Variants in LARGE1 observed in about 807,000 individuals in gnomAD.
LARGE1 encodes xylosyl- and glucuronyltransferase LARGE1.
LARGE1 carries 43 observed loss-of-function variants against 87.6 expected under a neutral mutation model. That is an observed-to-expected ratio of 0.49 (90% CI 0.38 to 0.63). The LOEUF (loss-of-function observed/expected upper bound fraction) is 0.63, where lower values mean the gene tolerates loss of function less well. LARGE1 is among the 30% of genes least tolerant of loss of function. The pLI is 0.00. For synonymous variants in LARGE1, 434 were observed against 394.6 expected (o/e 1.10, Z -1.18); for missense variants, 802 against 1,000.2 (o/e 0.80, Z 2.67).
Position 33,588,337 on chromosome 22 carries a change from C to A in LARGE1, c.615+16098G>T, listed in dbSNP as rs535992717. ...GAAAGATAACCTATAGAAGGGGAAC[C>A]CAAATTTGAACAGAATGCCAGGCCC... On this transcript the variant is annotated intron_variant, in intron 5 of 14. Coordinates refer to ENST00000397394, the MANE Select transcript of LARGE1 (RefSeq NM_133642.5). Among the ~76,000 whole-genome samples the A allele has an allele frequency of 2.6e-5, 4 of 152,204 alleles. No homozygotes were observed. In the South Asian group the frequency reaches 8.3e-4, roughly 32 times the overall value.
In LARGE1 at chr22:33,794,629, T is replaced by C. The variant is rs2085924368; in HGVS notation, c.-82-33071A>G. The stretch of plus-strand genomic sequence containing the variant: ...TCCTCAAAGTGGGAAAATTTCTTTC[T>C]TTTCTTTTTGAGATGGAGTCTCGCT... On this transcript the variant is annotated intron_variant, in intron 1 of 14. Coordinates refer to ENST00000397394, the MANE Select transcript of LARGE1 (RefSeq NM_133642.5). 3.3e-5 allele frequency among the ~76,000 whole-genome samples: 5 copies of C among 152,210 alleles called. No individual in the cohort carries two copies. The South Asian group carries it at 1.0e-3, about 32-fold the overall frequency.
chr22:33,579,670 C>T (rs2078456455), intron 5 of LARGE1, among the ~76,000 whole-genome samples: 1 of 152,148 alleles, frequency 6.6e-6, no homozygotes, highest in South Asian at 2.1e-4. Context: ...AGTGGTAGGG[C>T]CTGGCATTGC....
chr22:33,434,699 A>T (rs1046672474), intron 6 of LARGE1, among the ~76,000 whole-genome samples: 1 of 152,204 alleles, frequency 6.6e-6, no homozygotes, highest in Admixed American at 6.5e-5. Context: ...GGCATCCCAT[A>T]CATTTTATTT....
chr22:33,815,868 G>A (rs547857424), intron 1 of LARGE1, among the ~76,000 whole-genome samples: 3 of 152,224 alleles, frequency 2.0e-5, no homozygotes, highest in South Asian at 2.1e-4. Flanking sequence ...GTAAAATCAC[G>A]AGGAGAGGTG....
intron 1 of LARGE1, among the ~76,000 whole-genome samples, chr22:33,796,767 CTTTTT>C (rs35532520): frequency 1.9e-5 from 2 of 106,058 alleles, no homozygotes; most frequent in Admixed American, 9.9e-5. Flanking sequence ...AAGACTTGGG[CTTTTT>C]TTTTTTTTTT....
At chr22:33,267,604 G>A (rs990838753), downstream of LARGE1, among the ~76,000 whole-genome samples, 9 of 151,132 alleles carry the variant, frequency 6.0e-5, 1 homozygote, top group African/African-American at 2.0e-4. Flanking sequence ...GTGATCAGCC[G>A]ATTGTGACCC....
At chr22:33,330,078 G>T (rs539621216) in intron 10 of LARGE1, among the ~76,000 whole-genome samples, 5 of 151,992 alleles carry the variant, frequency 3.3e-5, no homozygotes, top group African/African-American at 1.2e-4. Flanking sequence ...TTTACAGAAG[G>T]GAATATTTCA....
chr22:33,174,985 G>C (rs1202704816), intron 11 of LARGE1, among the ~76,000 whole-genome samples: 1 of 152,252 alleles, frequency 6.6e-6, no homozygotes, highest in East Asian at 1.9e-4. Flanking sequence ...CATTTTATGA[G>C]GCCAACATCA....
At chr22:33,145,578 G>A in the LARGE1 span, among the ~76,000 whole-genome samples, 1 of 152,170 alleles carries the variant, frequency 6.6e-6, no homozygotes, top group African/African-American at 2.4e-5. Flanking sequence ...GATATGATGT[G>A]GCCACAGTCT....
At chr22:33,202,303 C>G (rs1924439505) in intron 11 of LARGE1, among the ~76,000 whole-genome samples, 1 of 152,184 alleles carries the variant, frequency 6.6e-6, no homozygotes, top group Non-Finnish European at 1.5e-5. Flanking sequence ...TGAGCAGAGT[C>G]TGTGCCACAT....
Position 33,852,936 on chromosome 22 carries a change from C to A in LARGE1, c.-83+67059G>T, listed in dbSNP as rs369368427. ...CTATGAAAATAAAGAAAAAACAGAA[C>A]AGGGTAAAGAGGGATGGGAATGCCA... On this transcript the variant is annotated intron_variant, in intron 1 of 14. Transcript: ENST00000397394. 2.8e-4 allele frequency among the ~76,000 whole-genome samples: 38 copies of A among 134,722 alleles called. 1 individual carries two copies. Among genetic ancestry groups the A allele is most frequent in the Middle Eastern group, 8.8e-3 (2 of 228 alleles). 88.4% of individuals were successfully genotyped at this position (134,722 alleles called of 152,430 possible).
At chr22:33,506,908 CA>C (rs939995067) in intron 6 of LARGE1, among the ~76,000 whole-genome samples, 2 of 152,080 alleles carry the variant, frequency 1.3e-5, no homozygotes, top group Non-Finnish European at 2.9e-5. Context: ...CTCAAACAAA[CA>C]AAAAAACTCA....
At chr22:33,248,334 C>T (rs745601291) in intron 11 of LARGE1, among the ~76,000 whole-genome samples, 12 of 152,056 alleles carry the variant, frequency 7.9e-5, no homozygotes, top group Non-Finnish European at 1.0e-4. Context: ...ACCACAGGTG[C>T]GTGCCACCAC....
intron 6 of LARGE1, among the ~76,000 whole-genome samples, chr22:33,452,950 G>A (rs5994746): frequency 0.078 from 11,872 of 152,218 alleles, 1,512 homozygotes; most frequent in African/African-American, 0.27. Context: ...AGGAATTACC[G>A]TGACGGAGGA....
At chr22:33,356,183 T>C (rs1940874444) in intron 9 of LARGE1, among the ~76,000 whole-genome samples, 1 of 152,204 alleles carries the variant, frequency 6.6e-6, no homozygotes, top group African/African-American at 2.4e-5. Context: ...AATAACTGCA[T>C]TGGAAGTTTA....
chr22:33,804,749 G>A (rs1000362443), intron 1 of LARGE1, among the ~76,000 whole-genome samples: 1 of 152,188 alleles, frequency 6.6e-6, no homozygotes, highest in Non-Finnish European at 1.5e-5. Context: ...AATGTCCCCA[G>A]TGCAACCCAG....
At chr22:33,507,832 T>C (rs998485528) in intron 6 of LARGE1, among the ~76,000 whole-genome samples, 4 of 152,186 alleles carry the variant, frequency 2.6e-5, no homozygotes, top group African/African-American at 9.7e-5. Flanking sequence ...TGCTCTACAC[T>C]GGTGTGGTAC....
At chr22:33,198,844 T>C (rs1304209167) in intron 11 of LARGE1, among the ~76,000 whole-genome samples, 1 of 152,220 alleles carries the variant, frequency 6.6e-6, no homozygotes, top group African/African-American at 2.4e-5. Flanking sequence ...TAATGATTTG[T>C]TTCCCTTTGG....
At chr22:33,579,471 C>T (rs189666667) in intron 5 of LARGE1, among the ~76,000 whole-genome samples, 35 of 152,276 alleles carry the variant, frequency 2.3e-4, no homozygotes, top group African/African-American at 8.4e-4. Flanking sequence ...AAAGTCTCAG[C>T]CTTCTAAAAC....
Sources: gnomAD v4.1 joint callset for allele counts (sites outside exome capture counted in the v4.1 genomes callset) on GRCh38, gnomAD v4.1.1 for gene constraint, MANE v1.5 for transcripts, NCBI Gene and HGNC (gene_info 2026-07-23, HGNC 2026-07-21) for gene names.